The following CFH variants were observed in gnomAD, a reference collection of about 807,000 sequenced individuals.
CFH encodes H factor 1 (complement).
Under a neutral mutation model 147.3 loss-of-function variants are expected in CFH, and 53 were observed. The ratio of observed to expected loss-of-function variants is 0.36; its 90% confidence interval spans 0.29 to 0.45. CFH has a LOEUF of 0.45. Among genes scored for constraint, CFH ranks in the 20% least tolerant of loss-of-function variants. CFH has a pLI of 1.00. For synonymous variants in CFH, 536 were observed against 489.4 expected (o/e 1.10, Z -1.26); for missense variants, 1,380 against 1,498.0 (o/e 0.92, Z 1.30).
At chr1:196,740,035 TA>T (rs1255885470) in intron 17 of CFH, among the ~76,000 whole-genome samples, 1 of 152,098 alleles carries the variant, frequency 6.6e-6, no homozygotes, top group African/African-American at 2.4e-5. Context: ...AAGCTCCTTA[TA>T]AAACCATCAG....
Position 196,728,370 on chromosome 1 carries a change from A to T in CFH, c.2261A>T (p.Lys754Ile). The T allele has an allele frequency of 1.3e-6, 2 of 1,556,744 alleles. No homozygotes were observed. The highest frequency in any genetic ancestry group is 1.8e-6 in the Non-Finnish European group (2 of 1,141,938). ...GCAATAGATAAACTTAAGAAGTGCA[A>T]ATCATCAAATTTAATTATACTTGAG... ...CVAIDKLKKC[K>I]SSNLIILEEH... The change falls in exon 15 of 22, where the codon AAA becomes ATA. Residue 754 changes from lysine (K) to isoleucine (I), a missense_variant. This residue lies in a region of CFH where 830 missense variants were observed against 821.4 expected (regional missense o/e 1.01). Transcript: ENST00000367429.
At chr1:196,726,431 G>A in intron 12 of CFH, 39 bp from the exon 13 acceptor site, 1 of 1,468,814 alleles carries the variant, frequency 6.8e-7, no homozygotes, top group Non-Finnish European at 9.5e-7. Context: ...TTGTAAAACA[G>A]ACAATTTAAC....
At chr1:196,672,448 T>A (rs976670018) in intron 1 of CFH, among the ~76,000 whole-genome samples, 1 of 152,218 alleles carries the variant, frequency 6.6e-6, no homozygotes, top group Non-Finnish European at 1.5e-5. Context: ...TTGGAGTGCC[T>A]GTATAATTCT....
chr1:196,734,153 G>C (rs1465511775), intron 15 of CFH, among the ~76,000 whole-genome samples: 1 of 152,090 alleles, frequency 6.6e-6, no homozygotes, highest in East Asian at 1.9e-4. Flanking sequence ...TTTTCTAATT[G>C]TGTGGTGCAG....
chr1:196,661,270 A>G (rs1666893161), intron 1 of CFH, among the ~76,000 whole-genome samples: 1 of 152,228 alleles, frequency 6.6e-6, no homozygotes, highest in South Asian at 2.1e-4. Flanking sequence ...TGTAAAATAT[A>G]ATTTTATATG....
intron 1 of CFH, among the ~76,000 whole-genome samples, chr1:196,660,038 G>C (rs1455425475): frequency 1.3e-5 from 2 of 152,078 alleles, no homozygotes; most frequent in African/African-American, 4.8e-5. Context: ...GGTAAAGTAG[G>C]GCCTAAGAGA....
intron 1 of CFH, among the ~76,000 whole-genome samples, chr1:196,658,481 G>T (rs1424970252): frequency 7.1e-6 from 1 of 141,834 alleles, no homozygotes; most frequent in Non-Finnish European, 1.5e-5. Flanking sequence ...TCGCTATCTC[G>T]GCTCACTGCA....
At chr1:196,705,978 A>G (rs1421379915) in intron 9 of CFH, among the ~76,000 whole-genome samples, 1 of 152,174 alleles carries the variant, frequency 6.6e-6, no homozygotes, top group African/African-American at 2.4e-5. Context: ...ATTCAACCAG[A>G]CATGACCAAA....
intron 1 of CFH, among the ~76,000 whole-genome samples, chr1:196,669,986 A>G (rs1052142978): frequency 6.6e-6 from 1 of 152,192 alleles, no homozygotes; most frequent in Non-Finnish European, 1.5e-5. Flanking sequence ...CTCTTGCATC[A>G]GTGTGACCTG....
Position 196,679,574 on chromosome 1 carries a change from G to C in CFH, c.620-49G>C, listed in dbSNP as rs751123993. ...TTCATATAATTATGTCCTGGTCACA[G>C]TCCTTTAATTTGCAATAAACATTTT... On this transcript the variant is annotated intron_variant, in intron 5 of 21. Coordinates refer to ENST00000367429, the MANE Select transcript of CFH (RefSeq NM_000186.4). The C allele has an allele frequency of 2.2e-6, 3 of 1,352,938 alleles. No individual in the cohort carries two copies. The African/African-American group carries it at 4.3e-5, about 19-fold the overall frequency. The allele number at this position is 1,352,938 out of a possible 1,614,324, so 83.8% of individuals were successfully genotyped here.
chr1:196,738,171 A>T (rs1279487547), intron 17 of CFH, among the ~76,000 whole-genome samples: 8 of 152,142 alleles, frequency 5.3e-5, no homozygotes, highest in Admixed American at 5.2e-4. Flanking sequence ...TTATTCAACT[A>T]CTTCCTACTG....
At position 196,733,077 on chromosome 1, in the gene CFH, G is replaced by A. The variant is rs142100995; in HGVS notation, c.2414-3747G>A. On this transcript the variant is annotated intron_variant, in intron 15 of 21. Transcript: ENST00000367429. ...GACGATCTCTTGAGTTGGAGCTATA[G>A]AAGTGATGACCTTTGAATGCATGGC... 5.1e-3 allele frequency among the ~76,000 whole-genome samples: 777 copies of A among 152,154 alleles called. 8 individuals carry two copies. The highest frequency in any genetic ancestry group is 0.018 in the African/African-American group (746 of 41,526).
chr1:196,744,618 A>T (rs916410531), intron 20 of CFH, among the ~76,000 whole-genome samples: 3 of 152,138 alleles, frequency 2.0e-5, no homozygotes, highest in African/African-American at 7.2e-5. Context: ...ATGTAGATCC[A>T]TTTACACTCT....
intron 11 of CFH, among the ~76,000 whole-genome samples, chr1:196,720,021 G>A (rs914101101): frequency 1.3e-5 from 2 of 151,326 alleles, no homozygotes; most frequent in African/African-American, 4.9e-5. Context: ...ATTTCTTAGT[G>A]CATATATCTT....
chr1:196,674,847 T>C (rs1285871744), intron 3 of CFH, among the ~76,000 whole-genome samples: 1 of 152,108 alleles, frequency 6.6e-6, no homozygotes, highest in African/African-American at 2.4e-5. Flanking sequence ...ACAGACACAT[T>C]TTATGTGCAT....
At chr1:196,742,347 C>A (rs532969108) in intron 19 of CFH, among the ~76,000 whole-genome samples, 1 of 152,110 alleles carries the variant, frequency 6.6e-6, no homozygotes, top group Non-Finnish European at 1.5e-5. Flanking sequence ...CTGCACTCCA[C>A]CCAGGGTGAC....
intron 9 of CFH, among the ~76,000 whole-genome samples, chr1:196,711,974 G>A (rs1374374873): frequency 6.6e-6 from 1 of 152,042 alleles, no homozygotes; most frequent in Non-Finnish European, 1.5e-5. Flanking sequence ...GCAGATTCTA[G>A]TGAACTCATC....
chr1:196,670,860 T>C (rs1301373495), intron 1 of CFH, among the ~76,000 whole-genome samples: 1 of 152,200 alleles, frequency 6.6e-6, no homozygotes, highest in Non-Finnish European at 1.5e-5. Context: ...TGGAAACCTT[T>C]GAGCTATTGT....
chr1:196,677,424 C>T, intron 4 of CFH, 52 bp from the exon 5 acceptor site: 1 of 1,527,860 alleles, frequency 6.5e-7, no homozygotes, highest in African/African-American at 1.4e-5. Flanking sequence ...ACATATTTTT[C>T]ACAATAAACT....
Sources: gnomAD v4.1 joint callset for allele counts (sites outside exome capture counted in the v4.1 genomes callset) on GRCh38, gnomAD v4.1.1 for gene constraint, gnomAD v4.1.1 regional missense constraint, MANE v1.5 for transcripts, NCBI Gene and HGNC (gene_info 2026-07-23, HGNC 2026-07-21) for gene names.